The following THEMIS2 variants were observed in gnomAD, a reference collection of about 807,000 sequenced individuals.
THEMIS2 encodes the protein thymocyte selection associated family member 2.
Under a neutral mutation model 46.8 loss-of-function variants are expected in THEMIS2, and 29 were observed. The ratio of observed to expected loss-of-function variants is 0.62; its 90% CI spans 0.46 to 0.84. The LOEUF (loss-of-function observed/expected upper bound fraction) is 0.84, where lower values mean the gene tolerates loss of function less well. Among genes scored for constraint, THEMIS2 ranks in the 40% least tolerant of loss-of-function variants. THEMIS2 has a pLI of 0.00. For missense variants in THEMIS2, 698 were observed against 834.7 expected, an observed-to-expected ratio of 0.84 and a Z score of 2.02; for synonymous variants, 335 against 349.1, an observed-to-expected ratio of 0.96 and a Z score of 0.45.
chr1:27,877,357 G>A (rs902198153), intron 2 of THEMIS2, among the ~76,000 whole-genome samples: 2 of 151,836 alleles, frequency 1.3e-5, no homozygotes, highest in East Asian at 1.9e-4. Flanking sequence ...ATGGAGTCTC[G>A]CTCTGTCACC....
intron 4 of THEMIS2, chr1:27,883,623 G>T: frequency 6.6e-6 from 1 of 152,536 alleles, no homozygotes; most frequent in Non-Finnish European, 1.5e-5. Flanking sequence ...CCACGCTCCA[G>T]CGAGAGAAAT....
chr1:27,875,740 A>G (rs562674640), intron 1 of THEMIS2, among the ~76,000 whole-genome samples: 14 of 151,900 alleles, frequency 9.2e-5, no homozygotes, highest in Non-Finnish European at 1.8e-4. Context: ...TCACTCTGTC[A>G]CCCAGGCTGG....
At chr1:27,883,168 T>G in intron 4 of THEMIS2, 125 bp downstream of exon 4, 1 of 804,368 alleles carries the variant, frequency 1.2e-6, no homozygotes, top group Non-Finnish European at 1.9e-6. Context: ...TTGCACACTT[T>G]GCACCCATTA....
At chr1:27,883,677 C>T (rs2089723677) in intron 4 of THEMIS2, 1 of 152,770 alleles carries the variant, frequency 6.5e-6, no homozygotes, top group African/African-American at 2.4e-5. Context: ...CTCCAGAGCC[C>T]CACACCCAGG....
Position 27,872,808 on chromosome 1 carries a change from C to A in THEMIS2, c.94+143C>A. The stretch of plus-strand genomic sequence containing the variant: ...ACTGGCCAAGCTGTGTGATTTGGGG[C>A]CGCACTCAACCTCTTTGGACCTCGG... On this transcript the variant is annotated intron_variant, in intron 1 of 5. Transcript: ENST00000373921. The surrounding 1 kb of genome is among the most constrained non-coding windows in gnomAD (Gnocchi z 4.9). 1.6e-6 allele frequency: 1 copy of A among 636,640 alleles called. No homozygotes were observed. The highest frequency in any genetic ancestry group is 2.3e-6 in the Non-Finnish European group (1 of 436,008). The allele number at this position is 636,640 out of a possible 1,614,324, so 39.4% of individuals were successfully genotyped here.
intron 3 of THEMIS2, among the ~76,000 whole-genome samples, 139 bp from the exon 4 acceptor site, chr1:27,881,815 CACTCCATCTCGAGTGAA>C (rs2089682842): frequency 6.6e-6 from 1 of 150,814 alleles, no homozygotes; most frequent in Non-Finnish European, 1.5e-5. Flanking sequence ...GCGACAAGGG[CACTCCATCTCGAGTGAA>C]ACTCCATCTC....
At chr1:27,880,466 G>A (rs889827106) in intron 3 of THEMIS2, among the ~76,000 whole-genome samples, 8 of 152,174 alleles carry the variant, frequency 5.3e-5, no homozygotes, top group African/African-American at 1.7e-4. Flanking sequence ...GATTACAGGC[G>A]TGAGCCACCG....
At chr1:27,874,226 G>A in intron 1 of THEMIS2, among the ~76,000 whole-genome samples, 1 of 150,528 alleles carries the variant, frequency 6.6e-6, no homozygotes, top group Non-Finnish European at 1.5e-5. Flanking sequence ...GTAAAGATGG[G>A]GTTTTGTCAT....
Position 27,872,606 on chromosome 1 carries a change from C to A in THEMIS2, c.35C>A (p.Ala12Asp). 2.0e-6 allele frequency: 3 copies of A among 1,484,308 alleles called. No homozygotes were observed. Among genetic ancestry groups the A allele is most frequent in the Non-Finnish European group, 2.7e-6 (3 of 1,118,414 alleles). The allele number at this position is 1,484,308 out of a possible 1,614,324, so 91.9% of individuals were successfully genotyped here. ...GTGCCGCTGCAGGACTTCGTGCGCGCCTTGGACCCCGCCTCCCTCCCGCGC... is the reference window on the plus strand; with the variant it reads ...GTGCCGCTGCAGGACTTCGTGCGCGACTTGGACCCCGCCTCCCTCCCGCGC... ...EPVPLQDFVR[A>D]LDPASLPRVL... Residue 12 changes from alanine to aspartate, a missense_variant, in exon 1 of 6, where the codon GCC becomes GAC. Physicochemically the swap from Ala to Asp is moderately radical, Grantham distance 126. Coordinates refer to ENST00000373921, the MANE Select transcript of THEMIS2 (RefSeq NM_001105556.3). The surrounding 1 kb of genome is among the most constrained non-coding windows in gnomAD (Gnocchi z 4.9).
chr1:27,878,108 G>A (rs1462006496), intron 2 of THEMIS2, among the ~76,000 whole-genome samples: 1 of 135,662 alleles, frequency 7.4e-6, no homozygotes, highest in Non-Finnish European at 1.5e-5. Context: ...GCAATAGAGA[G>A]AGACTCTGTC....
In THEMIS2 at chr1:27,882,208, C is replaced by T; in HGVS notation, c.884C>T (p.Ala295Val). 1.2e-6 allele frequency: 2 copies of T among 1,611,162 alleles called. No individual in the cohort carries two copies. Among genetic ancestry groups the T allele is most frequent in the Non-Finnish European group, 1.7e-6 (2 of 1,178,034 alleles). The change falls in exon 4 of 6, where the codon GCC (alanine) becomes GTC (valine). Residue 295 changes from alanine to valine, a missense_variant. Transcript: ENST00000373921. This position sits in a 1 kb window ranked among gnomAD's most constrained non-coding sequence, Gnocchi z 7.6. ...CAGAGGCTTTGCGTCTATGGCCTAG[C>T]CTCACCACCCTGGCGGGTCCTGGCC... The part of the protein sequence containing the change: ...KGQRLCVYGL[A>V]SPPWRVLASS...
In THEMIS2 at chr1:27,882,037, C is replaced by G. The variant is rs1440240143; in HGVS notation, c.713C>G (p.Ser238Cys). 1 of 1,614,036 alleles carries G rather than the reference C, an allele frequency of 6.2e-7. No homozygotes were observed. The highest frequency in any genetic ancestry group is 8.5e-7 in the Non-Finnish European group (1 of 1,180,038). Residue 238 changes from serine (S) to cysteine (C), a missense_variant, in exon 4 of 6, where the codon TCC becomes TGC. Ser to Cys is a moderately radical substitution (Grantham distance 112). Coordinates refer to ENST00000373921, the MANE Select transcript of THEMIS2 (RefSeq NM_001105556.3). The surrounding 1 kb of genome is among the most constrained non-coding windows in gnomAD (Gnocchi z 7.6). ...EVDVEDVTAS[S>C]RHVHFIKPLL... is the part of the protein sequence containing the mutation. ...GACGTGGAGGACGTCACCGCCTCCT[C>G]CCGGCACGTCCACTTTATCAAACCG...
intron 2 of THEMIS2, among the ~76,000 whole-genome samples, chr1:27,877,815 G>A (rs12142772): frequency 0.11 from 17,260 of 152,126 alleles, 1,162 homozygotes; most frequent in African/African-American, 0.18. Flanking sequence ...ATATGAGGAT[G>A]AAATGAGCTG....
At chr1:27,876,828 C>T (rs1269323989) in intron 2 of THEMIS2, 100 bp downstream of exon 2, 12 of 1,461,992 alleles carry the variant, frequency 8.2e-6, no homozygotes, top group Non-Finnish European at 1.1e-5. Context: ...ACTCCCTCCC[C>T]TCGGGGTTTG....
intron 4 of THEMIS2, chr1:27,884,100 C>G (rs923670374): frequency 2.6e-5 from 4 of 152,006 alleles, no homozygotes; most frequent in East Asian, 1.9e-4. Flanking sequence ...TGGCAGGCCC[C>G]TGATATGCTT....
rs368788437 is a variant in THEMIS2, at chr1:27,882,452, G to T, written c.1128G>T (p.Val376=). Residue 376 remains valine (V), a synonymous_variant, in exon 4 of 6, where the codon GTG becomes GTT. Coordinates refer to ENST00000373921, the MANE Select transcript of THEMIS2 (RefSeq NM_001105556.3). The surrounding 1 kb of genome is among the most constrained non-coding windows in gnomAD (Gnocchi z 7.6). ...TSLAVGDRLE[V]LGPGQAHGAQ... ...TGGCTGTGGGTGACCGGCTGGAGGT[G>T]CTGGGGCCTGGCCAGGCCCATGGGG... 27 of 1,612,780 alleles carry T rather than the reference G, an allele frequency of 1.7e-5. No individual in the cohort carries two copies. The South Asian group carries it at 3.0e-4, about 18-fold the overall frequency.
Position 27,872,658 on chromosome 1 carries a change from C to A in THEMIS2, c.87C>A (p.Tyr29Ter). ...TGCTGCGGGTCTGCTCGGGGGTCTA[C>A]TTCGAGGGTGAGCGGGGGCTGGAAC... ...PRVLRVCSGV[Y>*]FEGSIYEISG... The change falls in exon 1 of 6, where the codon TAC (tyrosine) becomes TAA (stop). Residue 29 changes from tyrosine to a stop codon, truncating the protein, a stop_gained. Coordinates refer to ENST00000373921, the MANE Select transcript of THEMIS2 (RefSeq NM_001105556.3). LOFTEE classifies it high-confidence loss of function. The surrounding 1 kb of genome is among the most constrained non-coding windows in gnomAD (Gnocchi z 4.9). 2.1e-6 allele frequency: 3 copies of A among 1,397,322 alleles called. No homozygotes were observed. The highest frequency in any genetic ancestry group is 2.8e-6 in the Non-Finnish European group (3 of 1,070,912). The allele number at this position is 1,397,322 out of a possible 1,614,324, so 86.6% of individuals were successfully genotyped here.
chr1:27,877,587 A>G (rs994365916), intron 2 of THEMIS2, among the ~76,000 whole-genome samples: 1 of 152,012 alleles, frequency 6.6e-6, no homozygotes, highest in Non-Finnish European at 1.5e-5. Flanking sequence ...TTGGCCTCCC[A>G]AAGTGCTGGG....
At position 27,872,725 on chromosome 1, in the gene THEMIS2, C is replaced by G; in HGVS notation, c.94+60C>G. 4.1e-6 allele frequency: 5 copies of G among 1,217,646 alleles called. No homozygotes were observed. Among genetic ancestry groups the G allele is most frequent in the Non-Finnish European group, 5.2e-6 (5 of 963,652 alleles). The allele number at this position is 1,217,646 out of a possible 1,614,324, so 75.4% of individuals were successfully genotyped here. ...TTGGTGTGGGGCGGGGGCAGAGACCCGGAGAAGACGTTAGCAATCCGGGGA... is the reference window on the plus strand; with the variant it reads ...TTGGTGTGGGGCGGGGGCAGAGACCGGGAGAAGACGTTAGCAATCCGGGGA... On this transcript the variant is annotated intron_variant, in intron 1 of 5. Transcript: ENST00000373921. This position sits in a 1 kb window ranked among gnomAD's most constrained non-coding sequence, Gnocchi z 4.9.
Sources: allele counts gnomAD v4.1 joint callset (sites outside exome capture counted in the v4.1 genomes callset), GRCh38; gene constraint gnomAD v4.1.1; non-coding constraint Gnocchi (gnomAD v3.1); transcripts MANE v1.5; gene names NCBI Gene and HGNC (gene_info 2026-07-23, HGNC 2026-07-21).